The following USP6 variants were observed in gnomAD, a reference collection of about 807,000 sequenced individuals.
USP6 encodes ubiquitin specific peptidase 6, also known as ubiquitin carboxyl-terminal hydrolase 6.
Under a neutral mutation model 175.7 loss-of-function variants are expected in USP6, and 128 were observed. The ratio of observed to expected loss-of-function variants is 0.73; its 90% CI spans 0.63 to 0.84. The LOEUF is 0.84. USP6 is among the 40% of genes least tolerant of loss of function. The probability of loss-of-function intolerance (pLI) is 0.00; values close to 1 mark genes in which losing one functional copy is unlikely to be tolerated. For missense variants in USP6, 1,498 were observed against 1,760.3 expected (o/e 0.85, Z 2.67); for synonymous variants, 562 against 630.6 (o/e 0.89, Z 1.63).
At chr17:5,153,157 C>A (rs777264647) in intron 30 of USP6, among the ~76,000 whole-genome samples, 1 of 152,054 alleles carries the variant, frequency 6.6e-6, no homozygotes, top group Non-Finnish European at 1.5e-5. Context: ...ATAATAGTTA[C>A]CTTTGTGAGG....
chr17:5,119,768 C>G (rs1235080693), intron 2 of USP6, among the ~76,000 whole-genome samples: 4 of 152,176 alleles, frequency 2.6e-5, no homozygotes, highest in African/African-American at 9.7e-5. Flanking sequence ...CTGCCCAGCA[C>G]TACAAGTGAC....
chr17:5,170,058 C>T lies in USP6; in HGVS notation c.3518-421C>T, dbSNP rs190711401. On this transcript the variant is annotated intron_variant, in intron 35 of 37. Coordinates refer to ENST00000574788, the MANE Select transcript of USP6 (RefSeq NM_001304284.2). ...TTTTTGTGAGACACAGAGGTAACAA[C>T]GGACAGCAGGAAATTCCCAGTACCA... is the stretch of plus-strand genomic sequence containing the variant. Among the ~76,000 whole-genome samples the T allele has an allele frequency of 1.4e-4, 22 of 152,270 alleles. No individual in the cohort carries two copies. The South Asian group carries it at 3.9e-3, about 27-fold the overall frequency.
intron 16 of USP6, 118 bp from the exon 17 acceptor site, chr17:5,135,690 C>T: frequency 6.3e-7 from 1 of 1,589,242 alleles, no homozygotes; most frequent in Non-Finnish European, 8.5e-7. Flanking sequence ...CCTGAGGAAG[C>T]CTCTTCTTCA....
intron 5 of USP6, among the ~76,000 whole-genome samples, chr17:5,125,594 C>T (rs888753140): frequency 1.3e-5 from 2 of 151,968 alleles, no homozygotes; most frequent in African/African-American, 4.8e-5. Context: ...ATCAGAAAGA[C>T]TTACAGCTTG....
chr17:5,155,418 A>G lies in USP6; in HGVS notation c.2644-4A>G. On this transcript the variant is annotated splice_polypyrimidine_tract_variant and splice_region_variant and intron_variant, in intron 30 of 37. Coordinates refer to ENST00000574788, the MANE Select transcript of USP6 (RefSeq NM_001304284.2). Reference sequence around the variant, plus strand: ...CAACTCTCTATTCTCGTTTGTACATACAGATGAGGACAGAACTGTATTTCC... The same window carrying G: ...CAACTCTCTATTCTCGTTTGTACATGCAGATGAGGACAGAACTGTATTTCC... 1 of 1,613,038 alleles carries G rather than the reference A, an allele frequency of 6.2e-7. No homozygotes were observed. The highest frequency in any genetic ancestry group is 1.3e-5 in the African/African-American group (1 of 75,010).
intron 4 of USP6, among the ~76,000 whole-genome samples, 195 bp from the exon 5 acceptor site, chr17:5,124,371 G>A (rs1243345705): frequency 6.6e-6 from 1 of 152,186 alleles, no homozygotes; most frequent in Non-Finnish European, 1.5e-5. Context: ...AGAGGGCCCA[G>A]CCCCAGCTGT....
chr17:5,145,985 C>T lies in USP6; in HGVS notation c.2168-38C>T, dbSNP rs756988929. The T allele has an allele frequency of 9.1e-6, 14 of 1,536,468 alleles. No homozygotes were observed. In the East Asian group the frequency reaches 2.5e-4, roughly 28 times the overall value. On this transcript the variant is annotated intron_variant, in intron 27 of 37. Coordinates refer to ENST00000574788, the MANE Select transcript of USP6 (RefSeq NM_001304284.2). ...CAGCATTTAAGGCTTTCAATGAAAC[C>T]TGCATTTTACTGATAAAAGATCTTT...
chr17:5,140,040 T>C (rs2073396501), intron 22 of USP6, among the ~76,000 whole-genome samples: 1 of 151,948 alleles, frequency 6.6e-6, no homozygotes. Flanking sequence ...AAGCCAACCA[T>C]GCCCAGCCCC....
chr17:5,156,847 A>G (rs1371584450), intron 31 of USP6, among the ~76,000 whole-genome samples: 1 of 150,760 alleles, frequency 6.6e-6, no homozygotes, highest in East Asian at 2.0e-4. Context: ...TTCATGCCTC[A>G]GACACCTGAG....
intron 2 of USP6, among the ~76,000 whole-genome samples, chr17:5,120,309 G>A (rs1189997746): frequency 6.6e-6 from 1 of 152,158 alleles, no homozygotes; most frequent in Non-Finnish European, 1.5e-5. Flanking sequence ...TCAGGGCAGT[G>A]AGTGAGGTCG....
At position 5,132,218 on chromosome 17, in the gene USP6, G is replaced by A. The variant is rs2073092010; in HGVS notation, c.156-178G>A. On this transcript the variant is annotated intron_variant, in intron 11 of 37. Coordinates refer to ENST00000574788, the MANE Select transcript of USP6 (RefSeq NM_001304284.2). The surrounding 1 kb of genome is among the most constrained non-coding windows in gnomAD (Gnocchi z 4.7). ...TGCACTCCTTCTTCTCCCAGGTCCT[G>A]CCCCTCCTGGGAGTCAGAGCCACAG... 7 of 1,564,774 alleles carry A rather than the reference G, an allele frequency of 4.5e-6. No individual in the cohort carries two copies. The highest frequency in any genetic ancestry group is 3.5e-6 in the Non-Finnish European group (4 of 1,154,102).
Position 5,116,735 on chromosome 17 carries a change from C to G in USP6, c.-1933C>G. The G allele has an allele frequency of 6.6e-6, 1 of 152,250 alleles. No homozygotes were observed. Among genetic ancestry groups the G allele is most frequent in the Admixed American group, 6.5e-5 (1 of 15,286 alleles). 9.4% of individuals were successfully genotyped at this position (152,250 alleles called of 1,614,324 possible). On this transcript the variant is annotated 5_prime_UTR_variant, in exon 1 of 38. Coordinates refer to ENST00000574788, the MANE Select transcript of USP6 (RefSeq NM_001304284.2). ...GAATTTGAATTCGTTTCTTCACTTA[C>G]TAGTTGTGAGTCTTTGGGCAAATTT... is the stretch of plus-strand genomic sequence containing the variant.
chr17:5,131,655 C>T (rs760002072), intron 11 of USP6, among the ~76,000 whole-genome samples: 1 of 148,576 alleles, frequency 6.7e-6, no homozygotes, highest in Non-Finnish European at 1.5e-5. Context: ...CATTCTGGGC[C>T]TCTCACGGTG....
intron 37 of USP6, among the ~76,000 whole-genome samples, chr17:5,172,580 G>C (rs1270130805): frequency 6.6e-6 from 1 of 152,140 alleles, no homozygotes; most frequent in African/African-American, 2.4e-5. Context: ...TGGGGTTTTA[G>C]GTCATTCTGT....
intron 27 of USP6, 149 bp downstream of exon 27, chr17:5,145,728 G>A: frequency 5.7e-6 from 7 of 1,231,052 alleles, no homozygotes; most frequent in Admixed American, 3.5e-5. Flanking sequence ...GGCATGACTT[G>A]AGGTTTGAAA....
intron 28 of USP6, 57 bp downstream of exon 28, chr17:5,146,231 C>T (rs2073607493): frequency 6.6e-7 from 1 of 1,521,908 alleles, no homozygotes; most frequent in African/African-American, 1.4e-5. Flanking sequence ...TGACATTTTT[C>T]TCAATTATGA....
chr17:5,142,904 A>T (rs1414242602), intron 25 of USP6, among the ~76,000 whole-genome samples: 1 of 152,226 alleles, frequency 6.6e-6, no homozygotes, highest in African/African-American at 2.4e-5. Flanking sequence ...GAATACAAAG[A>T]AGTAGGCTGG....
intron 30 of USP6, among the ~76,000 whole-genome samples, chr17:5,149,259 T>C (rs559044579): frequency 2.8e-4 from 42 of 152,066 alleles, no homozygotes; most frequent in Non-Finnish European, 5.7e-4. Context: ...AAAAATTAGC[T>C]GGGCATGGTG....
intron 9 of USP6, 137 bp downstream of exon 9, chr17:5,130,226 G>T (rs2073018771): frequency 1.3e-6 from 1 of 756,712 alleles, no homozygotes. Context: ...GGGCCATGGG[G>T]TTTGGCCCCT....
Sources: allele counts gnomAD v4.1 joint callset (sites outside exome capture counted in the v4.1 genomes callset), GRCh38; gene constraint gnomAD v4.1.1; non-coding constraint Gnocchi (gnomAD v3.1); transcripts MANE v1.5; gene names NCBI Gene and HGNC (gene_info 2026-07-23, HGNC 2026-07-21).